The following CTNNA3 variants were observed in gnomAD, a reference collection of about 807,000 sequenced individuals.
The protein encoded by CTNNA3 is catenin alpha-3.
A neutral mutation model predicts 95.7 loss-of-function variants in CTNNA3; 76 were observed. The ratio of observed to expected loss-of-function variants is 0.79; its 90% CI spans 0.66 to 0.96. CTNNA3 has a LOEUF of 0.96. Ranked by LOEUF, CTNNA3 falls within the 40% of genes least tolerant of loss-of-function variation. The pLI is 0.00. For synonymous variants in CTNNA3, 431 were observed against 374.4 expected, an observed-to-expected ratio of 1.15 and a Z score of -1.74; for missense variants, 1,191 against 1,089.8, an observed-to-expected ratio of 1.09 and a Z score of -1.31.
At chr10:67,501,062 A>T (rs1433048944) in intron 5 of CTNNA3, among the ~76,000 whole-genome samples, 1 of 152,154 alleles carries the variant, frequency 6.6e-6, no homozygotes, top group East Asian at 1.9e-4. Context: ...CATAGTGCCG[A>T]TGGTCTTTAC....
At chr10:66,001,458 G>T (rs564271029) in intron 15 of CTNNA3, among the ~76,000 whole-genome samples, 1 of 152,226 alleles carries the variant, frequency 6.6e-6, no homozygotes, top group Admixed American at 6.5e-5. Context: ...CTGTGATAAA[G>T]TAGATTGAAA....
At chr10:65,959,892 T>G (rs189531395) in intron 17 of CTNNA3, among the ~76,000 whole-genome samples, 114 of 152,276 alleles carry the variant, frequency 7.5e-4, no homozygotes, top group Non-Finnish European at 1.2e-3. Flanking sequence ...TGAAGCTGCA[T>G]CAGGTTCCAA....
intron 13 of CTNNA3, among the ~76,000 whole-genome samples, chr10:66,255,972 G>A (rs1254744204): frequency 1.3e-5 from 2 of 152,170 alleles, no homozygotes; most frequent in Non-Finnish European, 2.9e-5. Context: ...TTTGAGCTTA[G>A]GTGGATGAAA....
chr10:66,273,376 T>G (rs916703235), intron 13 of CTNNA3, among the ~76,000 whole-genome samples: 21 of 152,014 alleles, frequency 1.4e-4, no homozygotes, highest in Admixed American at 7.2e-4. Flanking sequence ...CTCAGAAGAG[T>G]GCACGATTTA....
chr10:67,325,434 C>G (rs576369537), intron 5 of CTNNA3, among the ~76,000 whole-genome samples: 1 of 152,238 alleles, frequency 6.6e-6, no homozygotes, highest in South Asian at 2.1e-4. Context: ...TATGTTGTAT[C>G]TTTGTTCTCA....
chr10:66,590,284 A>G (rs1222326329), intron 10 of CTNNA3, among the ~76,000 whole-genome samples: 1 of 152,108 alleles, frequency 6.6e-6, no homozygotes, highest in South Asian at 2.1e-4. Context: ...TTAAAGCCAC[A>G]TCATTAATTA....
At position 66,659,767 on chromosome 10, in the gene CTNNA3, G is replaced by T. The variant is rs73312665; in HGVS notation, c.1282-37983C>A. On this transcript the variant is annotated intron_variant, in intron 9 of 17. Coordinates refer to ENST00000433211, the MANE Select transcript of CTNNA3 (RefSeq NM_013266.4). ...GTATTATCTATGAACCAGAAAGTGG[G>T]CCCTCACCAGACATCAAATCTGCCC... Among the ~76,000 whole-genome samples, 572 of 152,114 alleles carry T rather than the reference G, an allele frequency of 3.8e-3. 5 individuals are homozygous for T. Among genetic ancestry groups the T allele is most frequent in the African/African-American group, 0.013 (547 of 41,508 alleles).
chr10:66,310,586 T>TTCTGTG (rs1393513944), intron 12 of CTNNA3, among the ~76,000 whole-genome samples: 1 of 19,480 alleles, frequency 5.1e-5, no homozygotes, highest in Non-Finnish European at 1.1e-4. Flanking sequence ...TATTCTGTGT[T>TTCTGTG]TTCATCATGC....
intron 17 of CTNNA3, among the ~76,000 whole-genome samples, chr10:65,936,595 A>G (rs1377666768): frequency 6.6e-6 from 1 of 152,052 alleles, no homozygotes; most frequent in African/African-American, 2.4e-5. Context: ...TGCCTTTTGG[A>G]AATTTACACT....
chr10:66,380,625 C>CTATCTATATATA (rs777137490), intron 11 of CTNNA3, among the ~76,000 whole-genome samples: 2 of 122,888 alleles, frequency 1.6e-5, no homozygotes, highest in South Asian at 2.5e-4. Context: ...ATCTATCTAT[C>CTATCTATATATA]TATATATATA....
At chr10:67,391,489 T>G (rs1463795150) in intron 5 of CTNNA3, among the ~76,000 whole-genome samples, 1 of 152,038 alleles carries the variant, frequency 6.6e-6, no homozygotes, top group Admixed American at 6.6e-5. Context: ...CCAAGGTAAT[T>G]TACAGATTCA....
intron 12 of CTNNA3, among the ~76,000 whole-genome samples, chr10:66,300,759 T>A (rs931502872): frequency 3.3e-5 from 5 of 152,050 alleles, no homozygotes; most frequent in Non-Finnish European, 5.9e-5. Flanking sequence ...CCTAAGCTTC[T>A]ACTTTAAGAA....
At position 66,360,812 on chromosome 10, in the gene CTNNA3, CCTTCCTTTCTTT is replaced by C. The variant is rs1367502560; in HGVS notation, c.1732+18328_1732+18339del. ...TCCTTCCTTCCTTCCTTCCTTCCTT[CCTTCCTTTCTTT>C]CTTTCTTTCTTTCTTTCTTTCTTTC... On this transcript the variant is annotated intron_variant, in intron 12 of 17. Coordinates refer to ENST00000433211, the MANE Select transcript of CTNNA3 (RefSeq NM_013266.4). 8.8e-3 allele frequency among the ~76,000 whole-genome samples: 463 copies of C among 52,324 alleles called. 30 individuals are homozygous for C. Among genetic ancestry groups the C allele is most frequent in the Middle Eastern group, 0.036 (3 of 84 alleles). The allele number at this position is 52,324 out of a possible 152,430, so 34.3% of individuals were successfully genotyped here.
At chr10:66,619,476 A>T (rs1344162513) in intron 10 of CTNNA3, among the ~76,000 whole-genome samples, 2 of 112,964 alleles carry the variant, frequency 1.8e-5, no homozygotes, top group Non-Finnish European at 3.8e-5. Flanking sequence ...AAAAACAAAC[A>T]CCGCATTTTC....
chr10:67,026,067 A>G (rs1045209174), intron 7 of CTNNA3, among the ~76,000 whole-genome samples: 26 of 145,822 alleles, frequency 1.8e-4, no homozygotes, highest in African/African-American at 5.5e-4. Flanking sequence ...ATGAGAACAC[A>G]TGGACACAGG....
At chr10:67,278,820 C>A (rs1247267204) in intron 5 of CTNNA3, among the ~76,000 whole-genome samples, 2 of 152,082 alleles carry the variant, frequency 1.3e-5, no homozygotes, top group Admixed American at 6.6e-5. Context: ...TTGATTTTTT[C>A]CCTTCTTATC....
At chr10:67,099,797 T>C (rs1589738209) in intron 7 of CTNNA3, 1 of 152,140 alleles carries the variant, frequency 6.6e-6, no homozygotes, top group Non-Finnish European at 1.5e-5. Flanking sequence ...TCATTTTAAA[T>C]CTAATTTTAA....
At chr10:67,726,940 A>T (rs1475055463) in intron 1 of CTNNA3, among the ~76,000 whole-genome samples, 2 of 116,576 alleles carry the variant, frequency 1.7e-5, no homozygotes, top group Non-Finnish European at 3.2e-5. Flanking sequence ...ATCATATATC[A>T]TATATATTAT....
At chr10:66,848,855 G>A (rs1405339383) in intron 7 of CTNNA3, among the ~76,000 whole-genome samples, 1 of 152,116 alleles carries the variant, frequency 6.6e-6, no homozygotes, top group Non-Finnish European at 1.5e-5. Context: ...AATGACAACA[G>A]TGCTGTTAGA....
Sources: allele counts gnomAD v4.1 joint callset (sites outside exome capture counted in the v4.1 genomes callset), GRCh38; gene constraint gnomAD v4.1.1; transcripts MANE v1.5; gene names NCBI Gene and HGNC (gene_info 2026-07-23, HGNC 2026-07-21).